The following SENP6 variants were observed in gnomAD, a reference collection of about 807,000 sequenced individuals.
SENP6 encodes sentrin-specific protease 6.
In SENP6, 41 loss-of-function variants were observed where a neutral mutation model predicts 134.5. The observed-to-expected ratio is 0.30, with a 90% CI of 0.24 to 0.40. SENP6 has a LOEUF of 0.40. Ranked by LOEUF, SENP6 falls within the 10% of genes least tolerant of loss-of-function variation. The pLI, the probability that SENP6 is intolerant of heterozygous loss-of-function variation, is 1.00. For missense variants in SENP6, 1,248 were observed against 1,312.5 expected, an observed-to-expected ratio of 0.95 and a Z score of 0.76; for synonymous variants, 395 against 429.8, an observed-to-expected ratio of 0.92 and a Z score of 1.00.
chr6:75,671,679 G>A (rs775653867), intron 11 of SENP6, among the ~76,000 whole-genome samples: 2 of 152,116 alleles, frequency 1.3e-5, no homozygotes, highest in Admixed American at 6.5e-5. Flanking sequence ...CCGAGACGGC[G>A]CCACTGCACT....
chr6:75,616,536 CAG>C (rs903469500), intron 1 of SENP6, among the ~76,000 whole-genome samples: 3 of 151,992 alleles, frequency 2.0e-5, no homozygotes, highest in African/African-American at 7.2e-5. Context: ...ATCACAAGGT[CAG>C]GGGTTCGAGA....
At chr6:75,618,184 T>C (rs1768001428) in intron 1 of SENP6, among the ~76,000 whole-genome samples, 1 of 152,208 alleles carries the variant, frequency 6.6e-6, no homozygotes, top group African/African-American at 2.4e-5. Flanking sequence ...AATTCATTTT[T>C]ATCTTTGGAG....
rs1260987908 is a variant in SENP6, at chr6:75,670,557, G to T, written c.1229G>T (p.Gly410Val). Residue 410 changes from glycine to valine, a missense_variant, in exon 11 of 24, where the codon GGC becomes GTC. This residue lies in a region of SENP6 where 733 missense variants were observed against 725.4 expected (regional missense o/e 1.01). Transcript: ENST00000447266. ...ACATTTTCTTTTCCTTTTTAGTTTG[G>T]CAATTCTATTATCAACACACCTCTG... ...PRKARMKDQF[G>V]NSIINTPLKR... The T allele has an allele frequency of 2.5e-5, 40 of 1,594,262 alleles. No individual in the cohort carries two copies. The highest frequency in any genetic ancestry group is 3.2e-5 in the Non-Finnish European group (38 of 1,169,678).
chr6:75,714,621 A>C (rs955548522), intron 23 of SENP6, among the ~76,000 whole-genome samples: 4 of 152,184 alleles, frequency 2.6e-5, no homozygotes, highest in African/African-American at 9.7e-5. Context: ...TACAGACCAA[A>C]ATCTTTCACA....
At chr6:75,689,986 C>T (rs980309661) in intron 16 of SENP6, among the ~76,000 whole-genome samples, 2 of 152,194 alleles carry the variant, frequency 1.3e-5, no homozygotes, top group African/African-American at 4.8e-5. Flanking sequence ...ATCACAGTCA[C>T]AGCTCACGAT....
At chr6:75,697,765 A>G (rs1277789542) in intron 18 of SENP6, 8 of 352,840 alleles carry the variant, frequency 2.3e-5, no homozygotes, top group Middle Eastern at 7.9e-4. Context: ...AATGTCAAAT[A>G]ATACCATTTT....
At position 75,677,267 on chromosome 6, in the gene SENP6, T is replaced by G. The variant is rs1207275941; in HGVS notation, c.1848+11T>G. 2 of 1,502,878 alleles carry G rather than the reference T, an allele frequency of 1.3e-6. No homozygotes were observed. The highest frequency in any genetic ancestry group is 2.6e-5 in the South Asian group (2 of 78,316). The allele number at this position is 1,502,878 out of a possible 1,614,324, so 93.1% of individuals were successfully genotyped here. A position where few individuals can be genotyped will look rare whatever the true frequency, so the allele number is the denominator to read the frequency against. ...AACAAAATTAAAACTGTAATTATGT[T>G]TTTTAATTTAAAAATATTCTTAAAT... On this transcript the variant is annotated intron_variant, in intron 14 of 23. Coordinates refer to ENST00000447266, the MANE Select transcript of SENP6 (RefSeq NM_015571.4).
At chr6:75,633,235 T>G (rs1055145452) in intron 3 of SENP6, among the ~76,000 whole-genome samples, 2 of 152,188 alleles carry the variant, frequency 1.3e-5, no homozygotes, top group African/African-American at 4.8e-5. Context: ...TTGGCTGTAG[T>G]GTTCTCCAGA....
intron 1 of SENP6, among the ~76,000 whole-genome samples, chr6:75,613,312 A>G (rs2149822013): frequency 1.3e-5 from 2 of 152,232 alleles, no homozygotes; most frequent in East Asian, 3.9e-4. Flanking sequence ...TTATTGCAAC[A>G]CAGCAATACC....
At chr6:75,643,286 A>G (rs1259467492) in intron 6 of SENP6, among the ~76,000 whole-genome samples, 1 of 152,238 alleles carries the variant, frequency 6.6e-6, no homozygotes, top group East Asian at 1.9e-4. Context: ...TGCTGATTTG[A>G]TTAAACCCAG....
intron 16 of SENP6, among the ~76,000 whole-genome samples, chr6:75,687,230 A>G (rs888646864): frequency 6.6e-6 from 1 of 152,108 alleles, no homozygotes; most frequent in African/African-American, 2.4e-5. Context: ...TTCTTGTGCA[A>G]TGGTTATCAG....
chr6:75,664,598 A>G (rs1419111040), intron 9 of SENP6, among the ~76,000 whole-genome samples: 3 of 152,160 alleles, frequency 2.0e-5, no homozygotes, highest in Non-Finnish European at 4.4e-5. Context: ...TAGATCGTCT[A>G]ATCTGGCCTG....
chr6:75,604,622 C>T (rs547200100), intron 1 of SENP6, among the ~76,000 whole-genome samples: 128 of 135,618 alleles, frequency 9.4e-4, no homozygotes, highest in African/African-American at 3.1e-3. Flanking sequence ...GAGATTCTGT[C>T]TCCAAAAAAA....
intron 9 of SENP6, among the ~76,000 whole-genome samples, chr6:75,664,101 A>G (rs1772001885): frequency 1.3e-5 from 2 of 152,068 alleles, no homozygotes; most frequent in South Asian, 4.1e-4. Context: ...AATGCAAGCT[A>G]CAGATAAGAG....
chr6:75,662,717 T>C (rs1340235494), intron 8 of SENP6, among the ~76,000 whole-genome samples: 1 of 152,226 alleles, frequency 6.6e-6, no homozygotes, highest in African/African-American at 2.4e-5. Context: ...CTTCTGTTCA[T>C]ATTTTAATAT....
chr6:75,612,925 C>T (rs933211976), intron 1 of SENP6, among the ~76,000 whole-genome samples: 2 of 152,062 alleles, frequency 1.3e-5, no homozygotes, highest in Non-Finnish European at 2.9e-5. Context: ...ACCAGCCTGG[C>T]CAACATGGTG....
chr6:75,678,766 T>A, intron 15 of SENP6, 45 bp from the exon 16 acceptor site: 1 of 1,362,114 alleles, frequency 7.3e-7, no homozygotes, highest in Non-Finnish European at 1.0e-6. Flanking sequence ...GTTGTGTATA[T>A]ATATATAGAT....
chr6:75,654,042 A>G (rs566151239), intron 7 of SENP6, among the ~76,000 whole-genome samples: 2 of 152,252 alleles, frequency 1.3e-5, no homozygotes, highest in Non-Finnish European at 2.9e-5. Context: ...TGGCCAGCAT[A>G]GTGAGACCCT....
At chr6:75,690,699 GTT>G (rs112230632) in intron 16 of SENP6, among the ~76,000 whole-genome samples, 1 of 145,608 alleles carries the variant, frequency 6.9e-6, no homozygotes. Context: ...TTTGTTTTTT[GTT>G]TTTTTTTTTG....
Sources: allele counts gnomAD v4.1 joint callset (sites outside exome capture counted in the v4.1 genomes callset), GRCh38; gene constraint gnomAD v4.1.1; regional missense constraint gnomAD v4.1.1; transcripts MANE v1.5; gene names NCBI Gene and HGNC (gene_info 2026-07-23, HGNC 2026-07-21).